The following CSMD1 variants were observed in gnomAD, a reference collection of about 807,000 sequenced individuals.
CSMD1 encodes CUB and Sushi multiple domains 1.
CSMD1 carries 213 observed loss-of-function variants against 417.5 expected under a neutral mutation model. That is an observed-to-expected ratio of 0.51 (90% CI 0.46 to 0.57). The LOEUF (loss-of-function observed/expected upper bound fraction) is 0.57. Among genes scored for constraint, CSMD1 ranks in the 20% least tolerant of loss-of-function variants. The pLI is 0.00. For missense variants in CSMD1, 6,923 were observed against 4,529.7 expected (o/e 1.53, Z -15.17); for synonymous variants, 2,862 against 1,736.8 (o/e 1.65, Z -16.11).
At chr8:4,880,110 T>A (rs1803298287) in intron 1 of CSMD1, among the ~76,000 whole-genome samples, 1 of 152,130 alleles carries the variant, frequency 6.6e-6, no homozygotes, top group African/African-American at 2.4e-5. Flanking sequence ...ATTATTTCGG[T>A]CTAAGAAACT....
Position 3,309,568 on chromosome 8 carries a change from C to A in CSMD1, c.3632-1065G>T. On this transcript the variant is annotated intron_variant, in intron 23 of 69. Transcript: ENST00000635120. ...ATATTTTAAGGCCATCTGTGAAAGA[C>A]AGTCTTACAGTAACATATTTCTATT... Among the ~76,000 whole-genome samples the A allele has an allele frequency of 1.4e-5, 2 of 142,108 alleles. 1 individual carries two copies. The highest frequency in any genetic ancestry group is 6.4e-3 in the Middle Eastern group (2 of 312). The allele number at this position is 142,108 out of a possible 152,430, so 93.2% of individuals were successfully genotyped here.
At chr8:4,429,196 G>T (rs968987719) in intron 2 of CSMD1, among the ~76,000 whole-genome samples, 18 of 151,262 alleles carry the variant, frequency 1.2e-4, no homozygotes, top group African/African-American at 4.4e-4. Context: ...AATTCTAAAA[G>T]GATCATGCCT....
At chr8:3,005,687 T>G (rs566481535) in intron 52 of CSMD1, among the ~76,000 whole-genome samples, 3 of 152,158 alleles carry the variant, frequency 2.0e-5, no homozygotes, top group Non-Finnish European at 4.4e-5. Context: ...ATTATCTCGA[T>G]AGATGCAGAA....
chr8:4,854,846 C>T (rs1445131140), intron 1 of CSMD1, among the ~76,000 whole-genome samples: 8 of 152,288 alleles, frequency 5.3e-5, no homozygotes, highest in South Asian at 4.1e-4. Context: ...GAGGGGCGCC[C>T]GCCATTGCCC....
chr8:3,595,050 G>C (rs943191367), intron 8 of CSMD1, among the ~76,000 whole-genome samples: 2 of 152,120 alleles, frequency 1.3e-5, no homozygotes, highest in Non-Finnish European at 2.9e-5. Flanking sequence ...TGAACCCTTG[G>C]GAACATTCAT....
intron 25 of CSMD1, among the ~76,000 whole-genome samples, chr8:3,299,067 G>A (rs1584953377): frequency 1.3e-5 from 2 of 152,164 alleles, no homozygotes; most frequent in Non-Finnish European, 2.9e-5. Flanking sequence ...AAACTTAAAT[G>A]TAGGTAAGTG....
At chr8:3,742,731 A>G (rs893152004) in intron 6 of CSMD1, among the ~76,000 whole-genome samples, 2 of 152,060 alleles carry the variant, frequency 1.3e-5, no homozygotes, top group African/African-American at 2.4e-5. Context: ...AGAGAGAGAG[A>G]GAGAGAAGAA....
intron 23 of CSMD1, among the ~76,000 whole-genome samples, chr8:3,335,606 G>A (rs1196996357): frequency 6.6e-6 from 1 of 152,186 alleles, no homozygotes; most frequent in Non-Finnish European, 1.5e-5. Context: ...GAACCTGAGA[G>A]GTGGAAGTGC....
chr8:4,491,947 G>C (rs1365774044), intron 2 of CSMD1, among the ~76,000 whole-genome samples: 2 of 151,514 alleles, frequency 1.3e-5, no homozygotes, highest in Non-Finnish European at 1.5e-5. Flanking sequence ...ATTCATAATT[G>C]CCAAAAATTG....
chr8:3,189,352 C>T (rs1202333042), intron 34 of CSMD1, among the ~76,000 whole-genome samples: 1 of 152,216 alleles, frequency 6.6e-6, no homozygotes, highest in Non-Finnish European at 1.5e-5. Flanking sequence ...AGAGTTTTCT[C>T]TTCTCCATGC....
intron 3 of CSMD1, among the ~76,000 whole-genome samples, chr8:4,046,658 A>G (rs1366051626): frequency 6.6e-6 from 1 of 152,206 alleles, no homozygotes; most frequent in Non-Finnish European, 1.5e-5. Flanking sequence ...CAGATAGGAT[A>G]TACACTGGGA....
At chr8:4,570,165 C>G (rs1466765432) in intron 2 of CSMD1, among the ~76,000 whole-genome samples, 1 of 152,170 alleles carries the variant, frequency 6.6e-6, no homozygotes, top group Non-Finnish European at 1.5e-5. Context: ...GCCAGAATTT[C>G]CAACACTACG....
At chr8:4,943,427 C>A (rs981773936) in intron 1 of CSMD1, among the ~76,000 whole-genome samples, 66 of 151,502 alleles carry the variant, frequency 4.4e-4, no homozygotes, top group African/African-American at 1.6e-3. Flanking sequence ...ACCCGGGAGG[C>A]GGAGCTTGCA....
At chr8:3,636,926 T>A (rs974604469) in intron 7 of CSMD1, among the ~76,000 whole-genome samples, 9 of 152,314 alleles carry the variant, frequency 5.9e-5, no homozygotes, top group African/African-American at 2.2e-4. Context: ...CCCTCATGAA[T>A]GAATTAGTAT....
In CSMD1 at chr8:4,042,255, C is replaced by T. The variant is rs548907764; in HGVS notation, c.416-10156G>A. Among the ~76,000 whole-genome samples the T allele has an allele frequency of 3.9e-5, 6 of 152,158 alleles. No homozygotes were observed. The South Asian group carries it at 1.0e-3, about 26-fold the overall frequency. On this transcript the variant is annotated intron_variant, in intron 3 of 69. Transcript: ENST00000635120. ...TCAAAATCAAGGTGCCTAAATACAG[C>T]AATGAAGAAAAAATCTTTAAAGCAT... is the stretch of plus-strand genomic sequence containing the variant.
chr8:4,253,036 T>C (rs76089603), intron 3 of CSMD1, among the ~76,000 whole-genome samples: 1 of 152,220 alleles, frequency 6.6e-6, no homozygotes, highest in East Asian at 1.9e-4. Context: ...ACAAAATTTT[T>C]CATGTGCCAA....
At chr8:3,519,357 T>A (rs1797407641) in intron 10 of CSMD1, among the ~76,000 whole-genome samples, 1 of 152,224 alleles carries the variant, frequency 6.6e-6, no homozygotes, top group Non-Finnish European at 1.5e-5. Flanking sequence ...GAAAAAGAAG[T>A]CAATCTTGAA....
chr8:3,812,023 T>C (rs1385089429), intron 5 of CSMD1, among the ~76,000 whole-genome samples: 2 of 146,286 alleles, frequency 1.4e-5, no homozygotes, highest in Non-Finnish European at 3.1e-5. Flanking sequence ...AATCTTCTTA[T>C]GCTTAGTGAG....
At chr8:3,606,738 G>A (rs1488097036) in intron 8 of CSMD1, among the ~76,000 whole-genome samples, 1 of 146,592 alleles carries the variant, frequency 6.8e-6, no homozygotes, top group Non-Finnish European at 1.5e-5. Flanking sequence ...TTGAGACAGA[G>A]TCTCACTGGG....
Sources: allele counts gnomAD v4.1 joint callset (sites outside exome capture counted in the v4.1 genomes callset), GRCh38; gene constraint gnomAD v4.1.1; transcripts MANE v1.5; gene names NCBI Gene and HGNC (gene_info 2026-07-23, HGNC 2026-07-21).